The following ZNF462 variants were observed in gnomAD, a reference collection of about 807,000 sequenced individuals.
ZNF462 encodes the protein zinc finger PBX1-interacting protein.
A neutral mutation model predicts 201.9 loss-of-function variants in ZNF462; 10 were observed. The ratio of observed to expected loss-of-function variants is 0.05; its 90% CI spans 0.03 to 0.08. The LOEUF is 0.08. ZNF462 is among the 10% of genes least tolerant of loss of function. The pLI, the probability that ZNF462 is intolerant of heterozygous loss-of-function variation, is 1.00. For missense variants in ZNF462, 2,523 were observed against 3,168.3 expected, an observed-to-expected ratio of 0.80 and a Z score of 4.89; for synonymous variants, 1,227 against 1,193.3, an observed-to-expected ratio of 1.03 and a Z score of -0.58.
upstream of ZNF462, among the ~76,000 whole-genome samples, chr9:106,861,068 C>A (rs544566898): frequency 6.6e-6 from 1 of 152,068 alleles, no homozygotes; most frequent in African/African-American, 2.4e-5. Context: ...TCTTCTCCAC[C>A]GCACGCGTAG....
chr9:107,012,105 C>CTTTTTTT lies in ZNF462; in HGVS notation c.*1093_*1099dup, dbSNP rs397893745. The CTTTTTTT allele has an allele frequency of 2.1e-4, 20 of 95,024 alleles. No homozygotes were observed. The highest frequency in any genetic ancestry group is 2.7e-4 in the Non-Finnish European group (12 of 45,068). The allele number at this position is 95,024 out of a possible 1,614,324, so 5.9% of individuals were successfully genotyped here. On this transcript the variant is annotated 3_prime_UTR_variant, in exon 13 of 13. Coordinates refer to ENST00000277225, the MANE Select transcript of ZNF462 (RefSeq NM_021224.6). The stretch of plus-strand genomic sequence containing the variant: ...TGGAAATAACAAAGAAGTTAACTTT[C>CTTTTTTT]TTTTTTTTTTTTTTTTTTTTTTTTA...
rs1829757894 is a variant in ZNF462 at position 107,008,988 on chromosome 9, C to T, written c.7190-557C>T. On this transcript the variant is annotated intron_variant, in intron 11 of 12. Coordinates refer to ENST00000277225, the MANE Select transcript of ZNF462 (RefSeq NM_021224.6). This position sits in a 1 kb window ranked among gnomAD's most constrained non-coding sequence, Gnocchi z 4.8. ...TGCAGATCTCATTCAGTGCACATAA[C>T]CGCCCTGTAAGGTATTGATTATAAT... Among the ~76,000 whole-genome samples, 1 of 152,172 alleles carries T rather than the reference C, an allele frequency of 6.6e-6. No homozygotes were observed. The highest frequency in any genetic ancestry group is 2.4e-5 in the African/African-American group (1 of 41,450).
Position 107,009,508 on chromosome 9 carries a change from A to G in ZNF462, c.7190-37A>G. On this transcript the variant is annotated intron_variant, in intron 11 of 12. Transcript: ENST00000277225. The surrounding 1 kb of genome is among the most constrained non-coding windows in gnomAD (Gnocchi z 6.1). ...TGACTTACCTATTCTGCTGATTCCC[A>G]CAGCACACAGGTAACACTTCTGCTT... 1.2e-6 allele frequency: 2 copies of G among 1,612,640 alleles called. No homozygotes were observed. The highest frequency in any genetic ancestry group is 2.2e-5 in the East Asian group (1 of 44,770).
rs1830498409 is a variant in ZNF462, at chr9:106,933,322, T to C, written c.6116+773T>C. ...TTACAAAAGATAAAGGGCCAGTTAG[T>C]GGTTGTTGAACAGAAGAAGGAGGTG... On this transcript the variant is annotated intron_variant, in intron 5 of 12. Coordinates refer to ENST00000277225, the MANE Select transcript of ZNF462 (RefSeq NM_021224.6). The surrounding 1 kb of genome is among the most constrained non-coding windows in gnomAD (Gnocchi z 4.3). The C allele has an allele frequency of 6.6e-6, 1 of 152,462 alleles. No individual in the cohort carries two copies. Among genetic ancestry groups the C allele is most frequent in the South Asian group, 2.1e-4 (1 of 4,832 alleles). The allele number at this position is 152,462 out of a possible 1,614,324, so 9.4% of individuals were successfully genotyped here.
chr9:106,896,692 G>T (rs1588017846), intron 1 of ZNF462, among the ~76,000 whole-genome samples: 1 of 152,312 alleles, frequency 6.6e-6, no homozygotes, highest in Middle Eastern at 3.4e-3. Flanking sequence ...CAGTGAGGTC[G>T]ACTGATTGAT....
At position 106,885,315 on chromosome 9, in the gene ZNF462, G is replaced by A. The variant is rs147895491; in HGVS notation, c.-31+21960G>A. 1.3e-4 allele frequency among the ~76,000 whole-genome samples: 20 copies of A among 152,272 alleles called. No homozygotes were observed. The East Asian group carries it at 3.9e-3, about 29-fold the overall frequency. ...CTAACTTTAAGAGCCTCATGGGAATGAAAAGAATGTTGTTTTAGAAGTAGA... is the reference window on the plus strand; with the variant it reads ...CTAACTTTAAGAGCCTCATGGGAATAAAAAGAATGTTGTTTTAGAAGTAGA... On this transcript the variant is annotated intron_variant, in intron 1 of 12. Transcript: ENST00000277225. The surrounding 1 kb of genome is among the most constrained non-coding windows in gnomAD (Gnocchi z 4.1).
chr9:106,958,765 C>T (rs1831693910), intron 7 of ZNF462, among the ~76,000 whole-genome samples: 1 of 152,038 alleles, frequency 6.6e-6, no homozygotes, highest in Non-Finnish European at 1.5e-5. Context: ...ACCAATACAT[C>T]CACTGTAGAT....
rs766533105 is a variant in ZNF462, at chr9:106,966,162, C to A, written c.6428-5843C>A. Reference sequence around the variant, plus strand: ...CTGCTTTTCAGAAGAAAATTACAATCCATGTATTATTTTGAACTTCCTATG... The same window carrying A: ...CTGCTTTTCAGAAGAAAATTACAATACATGTATTATTTTGAACTTCCTATG... On this transcript the variant is annotated intron_variant, in intron 7 of 12. Transcript: ENST00000277225. This position sits in a 1 kb window ranked among gnomAD's most constrained non-coding sequence, Gnocchi z 4.4. Among the ~76,000 whole-genome samples, 1 of 152,052 alleles carries A rather than the reference C, an allele frequency of 6.6e-6. No homozygotes were observed. The highest frequency in any genetic ancestry group is 2.4e-5 in the African/African-American group (1 of 41,410).
chr9:106,991,426 T>C (rs1828260665), intron 10 of ZNF462, among the ~76,000 whole-genome samples: 1 of 152,000 alleles, frequency 6.6e-6, no homozygotes, highest in Non-Finnish European at 1.5e-5. Flanking sequence ...ATATATACCA[T>C]GTTTATTAAT....
chr9:106,943,051 T>TGCGCGCGCGCGC (rs757008438), intron 7 of ZNF462, among the ~76,000 whole-genome samples: 36 of 145,430 alleles, frequency 2.5e-4, no homozygotes, highest in African/African-American at 8.9e-4. Flanking sequence ...AGTTTTGTTT[T>TGCGCGCGCGCGC]GCGCGCGCGT....
In ZNF462 at chr9:106,930,470, T is replaced by C; in HGVS notation, c.5848-55T>C. The C allele has an allele frequency of 6.3e-7, 1 of 1,595,202 alleles. No individual in the cohort carries two copies. The highest frequency in any genetic ancestry group is 8.6e-7 in the Non-Finnish European group (1 of 1,166,724). ...ATGTTAGTAAACTGCAAGAATAAAT[T>C]CTGACAATTGAGGGAGGGCTCGGAG... On this transcript the variant is annotated intron_variant, in intron 3 of 12. Transcript: ENST00000277225. The surrounding 1 kb of genome is among the most constrained non-coding windows in gnomAD (Gnocchi z 5.8).
intron 9 of ZNF462, chr9:106,975,873 A>T (rs947176508): frequency 3.3e-5 from 5 of 152,204 alleles, no homozygotes; most frequent in African/African-American, 1.2e-4. Context: ...GAGATTAAAC[A>T]CTACGACCAC....
chr9:106,926,225 G>T lies in ZNF462; in HGVS notation c.2313G>T (p.Glu771Asp). Residue 771 changes from glutamate to aspartate, a missense_variant, in exon 3 of 13, where the codon GAG becomes GAT. Glu to Asp is a conservative substitution (Grantham distance 45, BLOSUM62 2). This residue lies in a region of ZNF462 where 383 missense variants were observed against 453.4 expected (regional missense o/e 0.84). Transcript: ENST00000277225. The surrounding 1 kb of genome is among the most constrained non-coding windows in gnomAD (Gnocchi z 7.9). ...GAGATACCAGTGAGCCCCAGAAAGA[G>T]CCCAACTTCAGAAACATCACCCACG... ...WVRDTSEPQK[E>D]PNFRNITHDY... The T allele has an allele frequency of 6.2e-7, 1 of 1,614,192 alleles. No homozygotes were observed. The highest frequency in any genetic ancestry group is 8.5e-7 in the Non-Finnish European group (1 of 1,180,038).
rs979251760 is a variant in ZNF462, at chr9:106,994,880, C to T, written c.7057-8414C>T. On this transcript the variant is annotated intron_variant, in intron 10 of 12. Coordinates refer to ENST00000277225, the MANE Select transcript of ZNF462 (RefSeq NM_021224.6). ...AGCTTCCATAGAACTTTTCTCTTTC[C>T]TTTCTTAAGGCAGATTTATTTATCT... Among the ~76,000 whole-genome samples, 6 of 152,140 alleles carry T rather than the reference C, an allele frequency of 3.9e-5. No homozygotes were observed. In the East Asian group the frequency reaches 9.6e-4, roughly 24 times the overall value.
In ZNF462 at chr9:106,923,222, A is replaced by G; in HGVS notation, c.-30-132A>G. ...ATTGCCTCTCTTTAGCCAATGTTCC[A>G]ACTGGCAAAGTCCAATAAGAGAAAT... On this transcript the variant is annotated intron_variant, in intron 1 of 12. Coordinates refer to ENST00000277225, the MANE Select transcript of ZNF462 (RefSeq NM_021224.6). This position sits in a 1 kb window ranked among gnomAD's most constrained non-coding sequence, Gnocchi z 5.6. The G allele has an allele frequency of 1.5e-6, 1 of 657,214 alleles. No homozygotes were observed. Among genetic ancestry groups the G allele is most frequent in the Non-Finnish European group, 2.6e-6 (1 of 379,000 alleles). The allele number at this position is 657,214 out of a possible 1,614,324, so 40.7% of individuals were successfully genotyped here. A position where few individuals can be genotyped will look rare whatever the true frequency, so the allele number is the denominator to read the frequency against.
chr9:106,988,013 T>G (rs1827984137), intron 10 of ZNF462, among the ~76,000 whole-genome samples: 1 of 152,182 alleles, frequency 6.6e-6, no homozygotes, highest in African/African-American at 2.4e-5. Flanking sequence ...TCTGTTCCAT[T>G]GGTATATATG....
At position 106,901,473 on chromosome 9, in the gene ZNF462, G is replaced by A. The variant is rs148046839; in HGVS notation, c.-30-21881G>A. ...TGAAGAATGATGGTGGTATTCTGACGGAGATTGCATTGAATTTGTACATTG... is the reference window on the plus strand; with the variant it reads ...TGAAGAATGATGGTGGTATTCTGACAGAGATTGCATTGAATTTGTACATTG... On this transcript the variant is annotated intron_variant, in intron 1 of 12. Transcript: ENST00000277225. 1.5e-3 allele frequency among the ~76,000 whole-genome samples: 226 copies of A among 152,144 alleles called. 1 individual carries two copies. The highest frequency in any genetic ancestry group is 5.1e-3 in the African/African-American group (212 of 41,502).
Position 106,895,170 on chromosome 9 carries a change from A to G in ZNF462, c.-30-28184A>G, listed in dbSNP as rs1395810382. Among the ~76,000 whole-genome samples the G allele has an allele frequency of 6.6e-6, 1 of 152,160 alleles. No homozygotes were observed. The highest frequency in any genetic ancestry group is 1.5e-5 in the Non-Finnish European group (1 of 68,030). On this transcript the variant is annotated intron_variant, in intron 1 of 12. Transcript: ENST00000277225. The surrounding 1 kb of genome is among the most constrained non-coding windows in gnomAD (Gnocchi z 4.4). ...CCTTTATTGGCACTGTTCTTTTAAAATTCAGTTAAAAGTATCATTTTCCAT... is the reference window on the plus strand; with the variant it reads ...CCTTTATTGGCACTGTTCTTTTAAAGTTCAGTTAAAAGTATCATTTTCCAT...
chr9:106,955,188 A>G (rs374078330), intron 7 of ZNF462, among the ~76,000 whole-genome samples: 281 of 152,268 alleles, frequency 1.8e-3, no homozygotes, highest in African/African-American at 6.3e-3. Context: ...TGTATCTATC[A>G]GGTATCTAAC....
Sources: gnomAD v4.1 joint callset for allele counts (sites outside exome capture counted in the v4.1 genomes callset) on GRCh38, gnomAD v4.1.1 for gene constraint, gnomAD v4.1.1 regional missense constraint, Gnocchi (gnomAD v3.1) non-coding constraint, MANE v1.5 for transcripts, NCBI Gene and HGNC (gene_info 2026-07-23, HGNC 2026-07-21) for gene names.